CNTNAP5: variants seen among roughly 807,000 people sequenced by gnomAD.
CNTNAP5 encodes contactin-associated protein-like 5.
CNTNAP5 carries 72 observed loss-of-function variants against 150.2 expected under a neutral mutation model. The ratio of observed to expected loss-of-function variants is 0.48; its 90% CI spans 0.40 to 0.58. The LOEUF is 0.58. Among genes scored for constraint, CNTNAP5 ranks in the 20% least tolerant of loss-of-function variants. The pLI is 0.00. For missense variants in CNTNAP5, 1,636 were observed against 1,626.2 expected (o/e 1.01, Z -0.10); for synonymous variants, 672 against 619.8 (o/e 1.08, Z -1.25).
At chr2:124,099,867 T>C (rs542723436) in intron 1 of CNTNAP5, among the ~76,000 whole-genome samples, 1 of 152,104 alleles carries the variant, frequency 6.6e-6, no homozygotes, top group East Asian at 1.9e-4. Context: ...CAGGACCAAA[T>C]GGTTGGTGCT....
chr2:124,184,105 G>A (rs974732282), intron 1 of CNTNAP5, among the ~76,000 whole-genome samples: 1 of 152,122 alleles, frequency 6.6e-6, no homozygotes, highest in Admixed American at 6.6e-5. Context: ...GGGAGGTCGA[G>A]GAGTTTTTGA....
intron 3 of CNTNAP5, among the ~76,000 whole-genome samples, chr2:124,401,850 G>A (rs1691434039): frequency 6.6e-6 from 1 of 152,204 alleles, no homozygotes; most frequent in Non-Finnish European, 1.5e-5. Flanking sequence ...CCTACGGGAA[G>A]CTGGGCTTTT....
chr2:124,866,121 G>A (rs1677627225), intron 20 of CNTNAP5, among the ~76,000 whole-genome samples: 2 of 152,098 alleles, frequency 1.3e-5, no homozygotes, highest in Admixed American at 6.6e-5. Flanking sequence ...AAATTAGCCA[G>A]GTGTGGTGGC....
intron 1 of CNTNAP5, among the ~76,000 whole-genome samples, chr2:124,056,243 C>G (rs1277866506): frequency 6.6e-6 from 1 of 152,174 alleles, no homozygotes; most frequent in Non-Finnish European, 1.5e-5. Flanking sequence ...TAGAGAGAAG[C>G]TGGTCGGAAA....
rs748754111 is a variant in CNTNAP5 at position 124,747,277 on chromosome 2, C to G, written c.2126C>G (p.Pro709Arg). The G allele has an allele frequency of 1.9e-5, 30 of 1,613,708 alleles. No individual in the cohort carries two copies. Among genetic ancestry groups the G allele is most frequent in the South Asian group, 1.4e-4 (13 of 91,074 alleles). The part of the protein sequence containing the change: ...WWIGRSNERH[P>R]YWGGSPPGVQ... The stretch of plus-strand genomic sequence containing the variant: ...ATTGGGCGGTCCAATGAAAGGCACC[C>G]TTACTGGGGAGGTTCCCCTCCTGGG... The change falls in exon 14 of 24, where the codon CCT (proline) becomes CGT (arginine). Residue 709 changes from proline (P) to arginine (R), a missense_variant. Transcript: ENST00000682447.
chr2:124,802,722 T>C (rs964764702), intron 19 of CNTNAP5, among the ~76,000 whole-genome samples: 2 of 152,146 alleles, frequency 1.3e-5, no homozygotes, highest in South Asian at 4.1e-4. Flanking sequence ...GGATTTCTCT[T>C]TCAAATTTGC....
intron 8 of CNTNAP5, among the ~76,000 whole-genome samples, chr2:124,513,730 CA>C (rs1045356226): frequency 1.9e-4 from 29 of 152,244 alleles, no homozygotes; most frequent in African/African-American, 6.7e-4. Flanking sequence ...GAGTTATACT[CA>C]GGGGGGAGTA....
chr2:124,787,912 C>A (rs904293637), intron 17 of CNTNAP5, among the ~76,000 whole-genome samples: 6 of 152,164 alleles, frequency 3.9e-5, no homozygotes, highest in African/African-American at 1.4e-4. Context: ...AGAATAATTT[C>A]TAGAATGAGG....
At chr2:124,594,568 T>C (rs1378116841) in intron 11 of CNTNAP5, among the ~76,000 whole-genome samples, 1 of 142,590 alleles carries the variant, frequency 7.0e-6, no homozygotes, top group African/African-American at 2.6e-5. Flanking sequence ...AGTCAGGTAG[T>C]GTGATGCCTC....
At chr2:124,892,754 C>T (rs940561190) in intron 21 of CNTNAP5, among the ~76,000 whole-genome samples, 3 of 152,024 alleles carry the variant, frequency 2.0e-5, no homozygotes, top group Non-Finnish European at 2.9e-5. Context: ...TAGTATTTAC[C>T]GAATTGAATT....
At chr2:124,342,313 C>A (rs1374878126) in intron 3 of CNTNAP5, among the ~76,000 whole-genome samples, 1 of 152,088 alleles carries the variant, frequency 6.6e-6, no homozygotes, top group Non-Finnish European at 1.5e-5. Context: ...TCAAATTCTG[C>A]CCATAATACC....
At chr2:124,060,820 G>A (rs565260010) in intron 1 of CNTNAP5, among the ~76,000 whole-genome samples, 1 of 152,324 alleles carries the variant, frequency 6.6e-6, no homozygotes, top group East Asian at 1.9e-4. Context: ...TGTGATTTCT[G>A]AAGACTTTGA....
At chr2:124,429,093 A>C (rs1338117257) in intron 4 of CNTNAP5, among the ~76,000 whole-genome samples, 1 of 152,204 alleles carries the variant, frequency 6.6e-6, no homozygotes. Flanking sequence ...AAAAGTCGTT[A>C]TGATACTACC....
intron 1 of CNTNAP5, among the ~76,000 whole-genome samples, chr2:124,047,593 A>G (rs928646272): frequency 2.0e-5 from 3 of 152,226 alleles, no homozygotes; most frequent in Non-Finnish European, 2.9e-5. Flanking sequence ...CTGCAGCCCA[A>G]CTGAACCTCA....
At chr2:124,833,911 C>T (rs140668703) in intron 19 of CNTNAP5, among the ~76,000 whole-genome samples, 11 of 152,260 alleles carry the variant, frequency 7.2e-5, no homozygotes, top group Non-Finnish European at 1.3e-4. Flanking sequence ...TTCAAAGCCT[C>T]TTTCTGAGGA....
chr2:124,215,712 C>CAAAAAA (rs397985759), intron 1 of CNTNAP5, among the ~76,000 whole-genome samples: 350 of 81,794 alleles, frequency 4.3e-3, no homozygotes, highest in Non-Finnish European at 6.2e-3. Context: ...AGAAGAAAGG[C>CAAAAAA]AAAAAAAAAA....
intron 3 of CNTNAP5, among the ~76,000 whole-genome samples, chr2:124,410,636 A>G (rs1421654769): frequency 3.3e-5 from 5 of 150,266 alleles, no homozygotes; most frequent in African/African-American, 4.8e-5. Flanking sequence ...ACTACTGGAT[A>G]CATAACGAAA....
At chr2:124,221,240 C>A (rs1686301943) in intron 1 of CNTNAP5, among the ~76,000 whole-genome samples, 1 of 152,118 alleles carries the variant, frequency 6.6e-6, no homozygotes, top group Admixed American at 6.6e-5. Context: ...TATCCTACTC[C>A]TCTAGACACA....
intron 6 of CNTNAP5, among the ~76,000 whole-genome samples, chr2:124,467,800 A>T (rs568788177): frequency 2.0e-5 from 3 of 152,216 alleles, no homozygotes; most frequent in Non-Finnish European, 2.9e-5. Flanking sequence ...ATTCAAATGC[A>T]CATAAAAACG....
Sources: allele counts gnomAD v4.1 joint callset (sites outside exome capture counted in the v4.1 genomes callset), GRCh38; gene constraint gnomAD v4.1.1; transcripts MANE v1.5; gene names NCBI Gene and HGNC (gene_info 2026-07-23, HGNC 2026-07-21).